The following ARHGAP18 variants were observed in gnomAD, a reference collection of about 807,000 sequenced individuals.
The protein encoded by ARHGAP18 is Rho GTPase activating protein 18, also known as rho GTPase-activating protein 18.
ARHGAP18 carries 67 observed loss-of-function variants against 86.2 expected under a neutral mutation model. That is an observed-to-expected ratio of 0.78 (90% CI 0.64 to 0.95). The LOEUF (loss-of-function observed/expected upper bound fraction) is 0.95. Ranked by LOEUF, ARHGAP18 falls within the 40% of genes least tolerant of loss-of-function variation. The pLI is 0.00. For synonymous variants in ARHGAP18, 283 were observed against 280.4 expected (o/e 1.01, Z -0.09); for missense variants, 691 against 780.4 (o/e 0.89, Z 1.37).
At chr6:129,650,126 G>C (rs1773678916) in intron 1 of ARHGAP18, among the ~76,000 whole-genome samples, 1 of 144,196 alleles carries the variant, frequency 6.9e-6, no homozygotes, top group Non-Finnish European at 1.5e-5. Context: ...GTTTCTCCAT[G>C]TTGGTCAGGC....
chr6:129,624,287 T>C (rs1465589786), intron 5 of ARHGAP18, among the ~76,000 whole-genome samples: 1 of 152,042 alleles, frequency 6.6e-6, no homozygotes, highest in Non-Finnish European at 1.5e-5. Flanking sequence ...TCCCAGCACT[T>C]TGGGAGGCTG....
chr6:129,620,922 C>T (rs1174302366), intron 5 of ARHGAP18, among the ~76,000 whole-genome samples: 1 of 152,184 alleles, frequency 6.6e-6, no homozygotes, highest in Non-Finnish European at 1.5e-5. Flanking sequence ...GCTACTGCAA[C>T]AGACTGAATG....
chr6:129,697,107 G>A (rs539082649), intron 1 of ARHGAP18, among the ~76,000 whole-genome samples: 4 of 152,320 alleles, frequency 2.6e-5, no homozygotes, highest in African/African-American at 9.6e-5. Flanking sequence ...CTGCAAGAAT[G>A]TCAGAAGTCT....
chr6:129,592,102 T>A (rs1387344054), intron 12 of ARHGAP18, among the ~76,000 whole-genome samples: 2 of 130,888 alleles, frequency 1.5e-5, no homozygotes, highest in Non-Finnish European at 3.3e-5. Flanking sequence ...GTTCTAATAT[T>A]TTTTTTTAAT....
chr6:129,656,654 T>A (rs1014157935), intron 1 of ARHGAP18, among the ~76,000 whole-genome samples: 1 of 136,400 alleles, frequency 7.3e-6, no homozygotes, highest in Non-Finnish European at 1.6e-5. Flanking sequence ...AAAAAAATAA[T>A]AAAAAATAAA....
chr6:129,608,175 A>G, intron 8 of ARHGAP18, 123 bp from the exon 9 acceptor site: 1 of 1,180,072 alleles, frequency 8.5e-7, no homozygotes, highest in South Asian at 2.1e-5. Context: ...AAGACAAATC[A>G]GACTACCAAA....
At chr6:129,634,210 CAGAATTA>C in intron 3 of ARHGAP18, 105 bp from the exon 4 acceptor site, 3 of 927,176 alleles carry the variant, frequency 3.2e-6, no homozygotes, top group Non-Finnish European at 5.0e-6. Flanking sequence ...GACATGTACT[CAGAATTA>C]TAACAATCAC....
rs534677136 is a variant in ARHGAP18 at position 129,633,840 on chromosome 6, T to TCAGA, written c.616+198_616+201dup. 7.4e-4 allele frequency among the ~76,000 whole-genome samples: 113 copies of TCAGA among 152,300 alleles called. 2 individuals carry two copies. The highest frequency in any genetic ancestry group is 3.4e-3 in the Middle Eastern group (1 of 294). Reference sequence around the variant, plus strand: ...GGAAGATACGTATACGCATTTTGAATCAGAAAATAGGAATACACATTAAAA... The same window carrying TCAGA: ...GGAAGATACGTATACGCATTTTGAATCAGACAGAAAATAGGAATACACATTAAAA... On this transcript the variant is annotated intron_variant, in intron 4 of 14. Transcript: ENST00000368149.
chr6:129,625,664 TTTATA>T (rs1198452400), intron 5 of ARHGAP18, among the ~76,000 whole-genome samples: 2 of 70,032 alleles, frequency 2.9e-5, no homozygotes, highest in Non-Finnish European at 4.9e-5. Context: ...ATTATATATA[TTTATA>T]TTATATTATA....
intron 9 of ARHGAP18, among the ~76,000 whole-genome samples, chr6:129,606,278 G>A (rs191403159): frequency 2.6e-5 from 4 of 152,172 alleles, no homozygotes; most frequent in African/African-American, 9.7e-5. Context: ...CCAATGAAAA[G>A]ACATAGAGGA....
intron 5 of ARHGAP18, among the ~76,000 whole-genome samples, chr6:129,624,990 T>TATATG (rs1554335897): frequency 8.0e-5 from 6 of 75,108 alleles, no homozygotes; most frequent in East Asian, 5.3e-4. Flanking sequence ...TAATATATAT[T>TATATG]ATATATGATA....
At chr6:129,614,436 A>C (rs1342380842) in intron 7 of ARHGAP18, among the ~76,000 whole-genome samples, 1 of 152,226 alleles carries the variant, frequency 6.6e-6, no homozygotes, top group Non-Finnish European at 1.5e-5. Flanking sequence ...AAACAAAAAT[A>C]CTTTAGGGCC....
At chr6:129,626,972 T>C (rs1231747359) in intron 5 of ARHGAP18, among the ~76,000 whole-genome samples, 3 of 152,068 alleles carry the variant, frequency 2.0e-5, no homozygotes, top group Non-Finnish European at 4.4e-5. Context: ...GTCCTGATCA[T>C]AGTCACAAAA....
chr6:129,624,802 G>A (rs1168847436), intron 5 of ARHGAP18, among the ~76,000 whole-genome samples: 3 of 150,006 alleles, frequency 2.0e-5, no homozygotes, highest in East Asian at 2.0e-4. Context: ...AAAATCAGCC[G>A]GGCGTGGTGG....
intron 1 of ARHGAP18, among the ~76,000 whole-genome samples, chr6:129,684,585 A>G (rs573557047): frequency 6.6e-6 from 1 of 152,324 alleles, no homozygotes; most frequent in East Asian, 1.9e-4. Flanking sequence ...TTTCATGGAA[A>G]CACATACACA....
At chr6:129,593,232 G>A (rs181210505) in intron 12 of ARHGAP18, among the ~76,000 whole-genome samples, 3 of 152,176 alleles carry the variant, frequency 2.0e-5, no homozygotes, top group Non-Finnish European at 4.4e-5. Context: ...GGCTGAGGAG[G>A]GAGGATCGCT....
chr6:129,600,908 C>G, intron 10 of ARHGAP18, 60 bp from the exon 11 acceptor site: 1 of 1,412,744 alleles, frequency 7.1e-7, no homozygotes, highest in Non-Finnish European at 9.7e-7. Flanking sequence ...GATTAAAGCA[C>G]TGTAGCATAT....
At chr6:129,610,288 TA>T (rs1788949790) in intron 8 of ARHGAP18, among the ~76,000 whole-genome samples, 1 of 152,196 alleles carries the variant, frequency 6.6e-6, no homozygotes, top group Admixed American at 6.5e-5. Flanking sequence ...CCCTGTAGGG[TA>T]ATTCCATCTT....
intron 7 of ARHGAP18, among the ~76,000 whole-genome samples, chr6:129,613,342 T>C (rs1374540804): frequency 2.0e-5 from 3 of 152,176 alleles, no homozygotes; most frequent in Non-Finnish European, 4.4e-5. Context: ...AGGCGAATTA[T>C]TTTAGATCAG....
Sources: allele counts gnomAD v4.1 joint callset (sites outside exome capture counted in the v4.1 genomes callset), GRCh38; gene constraint gnomAD v4.1.1; transcripts MANE v1.5; gene names NCBI Gene and HGNC (gene_info 2026-07-23, HGNC 2026-07-21).